The following GTF2I variants were observed in gnomAD, a reference collection of about 807,000 sequenced individuals.
The protein encoded by GTF2I is general transcription factor IIi, also known as general transcription factor II-I.
GTF2I carries 12 observed loss-of-function variants against 67.6 expected under a neutral mutation model. That is an observed-to-expected ratio of 0.18 (90% confidence interval 0.11 to 0.29). The LOEUF is 0.29. GTF2I is among the 10% of genes least tolerant of loss of function. The pLI, the probability that GTF2I is intolerant of heterozygous loss-of-function variation, is 1.00. For synonymous variants in GTF2I, 149 were observed against 197.0 expected (o/e 0.76, Z 2.04); for missense variants, 271 against 580.1 (o/e 0.47, Z 5.47).
At chr7:74,670,644 T>G (rs1805367556) in intron 1 of GTF2I, among the ~76,000 whole-genome samples, 2 of 146,154 alleles carry the variant, frequency 1.4e-5, no homozygotes, top group Admixed American at 1.4e-4. Context: ...GAGCTGAGAC[T>G]ACGCCACTGC....
At chr7:74,723,417 G>C (rs1197693194) in intron 12 of GTF2I, among the ~76,000 whole-genome samples, 3 of 84,658 alleles carry the variant, frequency 3.5e-5, no homozygotes, top group African/African-American at 5.4e-5. Context: ...ATAAGCCACC[G>C]CTCCCGGCCT....
At chr7:74,705,456 G>A (rs1484849768) in intron 7 of GTF2I, among the ~76,000 whole-genome samples, 1 of 151,648 alleles carries the variant, frequency 6.6e-6, no homozygotes, top group Admixed American at 6.6e-5. Flanking sequence ...GCCTTAGAGT[G>A]GTATTTGGAA....
intron 3 of GTF2I, among the ~76,000 whole-genome samples, chr7:74,697,010 TTAAAGAAAAA>T (rs147766160): frequency 0.01 from 1,585 of 152,250 alleles, 35 homozygotes; most frequent in African/African-American, 0.036. Context: ...AGTTAGAACA[TTAAAGAAAAA>T]TAAAGAAAAA....
intron 1 of GTF2I, among the ~76,000 whole-genome samples, chr7:74,663,279 A>G (rs1052355143): frequency 9.2e-5 from 14 of 152,106 alleles, no homozygotes; most frequent in African/African-American, 3.4e-4. Flanking sequence ...TGTCAGTCTA[A>G]GGGAAAGTAT....
intron 1 of GTF2I, among the ~76,000 whole-genome samples, chr7:74,663,056 C>G (rs1400089910): frequency 6.6e-6 from 1 of 152,162 alleles, no homozygotes; most frequent in Non-Finnish European, 1.5e-5. Context: ...TGAACAATTA[C>G]TAAACACTTA....
intron 8 of GTF2I, among the ~76,000 whole-genome samples, chr7:74,709,962 C>T (rs374465038): frequency 5.9e-5 from 9 of 152,278 alleles, no homozygotes; most frequent in East Asian, 1.9e-4. Flanking sequence ...CACGAGCCAC[C>T]GCACCTGGCT....
At chr7:74,677,552 G>A (rs1164857114) in intron 1 of GTF2I, among the ~76,000 whole-genome samples, 2 of 151,574 alleles carry the variant, frequency 1.3e-5, no homozygotes, top group Admixed American at 6.6e-5. Flanking sequence ...AGGCTGAGGC[G>A]GGCAGATCAC....
intron 1 of GTF2I, among the ~76,000 whole-genome samples, chr7:74,673,955 A>G (rs1805680437): frequency 6.6e-6 from 1 of 151,976 alleles, no homozygotes; most frequent in Admixed American, 6.6e-5. Context: ...CTGGGATTAC[A>G]AGCGTGAGCC....
chr7:74,696,687 G>T lies in GTF2I; in HGVS notation c.239-2274G>T, dbSNP rs190383847. ...TTTTGTATTTTTTAGTAGAGGTGGG[G>T]TTTCACCATGTTGGCCAGACTGATC... On this transcript the variant is annotated intron_variant, in intron 3 of 34. Coordinates refer to ENST00000573035, the MANE Select transcript of GTF2I (RefSeq NM_032999.4). Among the ~76,000 whole-genome samples the T allele has an allele frequency of 4.0e-5, 6 of 151,892 alleles. No individual in the cohort carries two copies. The East Asian group carries it at 1.2e-3, about 30-fold the overall frequency.
At chr7:74,688,140 G>A (rs782122828) in intron 1 of GTF2I, among the ~76,000 whole-genome samples, 18 of 152,202 alleles carry the variant, frequency 1.2e-4, no homozygotes, top group African/African-American at 3.6e-4. Context: ...GTGAGGTGGC[G>A]TGATCTCGGC....
chr7:74,717,163 C>T (rs1381410543), intron 11 of GTF2I: 1 of 473,350 alleles, frequency 2.1e-6, no homozygotes, highest in East Asian at 3.5e-5. Flanking sequence ...GGGAATGAAA[C>T]TAAGTGGTAA....
intron 8 of GTF2I, among the ~76,000 whole-genome samples, chr7:74,706,944 G>T (rs940753618): frequency 2.6e-5 from 4 of 152,170 alleles, no homozygotes; most frequent in Non-Finnish European, 5.9e-5. Flanking sequence ...TCTGCCTCTG[G>T]GTTCAAGCGA....
At chr7:74,707,064 G>A (rs1790819446) in intron 8 of GTF2I, among the ~76,000 whole-genome samples, 1 of 152,144 alleles carries the variant, frequency 6.6e-6, no homozygotes, top group East Asian at 1.9e-4. Flanking sequence ...TGGCCTGGCT[G>A]GTCTTGAACT....
chr7:74,712,524 GTGTGTGTGTGTGTC>G (rs1791713269), intron 9 of GTF2I, among the ~76,000 whole-genome samples: 2 of 146,130 alleles, frequency 1.4e-5, no homozygotes, highest in African/African-American at 5.1e-5. Context: ...GTGTGTGTGT[GTGTGTGTGTGTGTC>G]ATGTCATATT....
At chr7:74,698,534 C>T (rs1338495441) in intron 3 of GTF2I, among the ~76,000 whole-genome samples, 2 of 151,836 alleles carry the variant, frequency 1.3e-5, no homozygotes, top group Non-Finnish European at 2.9e-5. Context: ...CTCACTTCAG[C>T]CCCCAGACAG....
intron 3 of GTF2I, among the ~76,000 whole-genome samples, chr7:74,691,660 CG>C (rs1788320205): frequency 1.3e-5 from 2 of 152,098 alleles, no homozygotes; most frequent in Admixed American, 1.3e-4. Flanking sequence ...GTTTGTTGTA[CG>C]GTGTTCCTTG....
intron 1 of GTF2I, among the ~76,000 whole-genome samples, chr7:74,676,344 G>A (rs587663454): frequency 7.9e-5 from 12 of 152,232 alleles, no homozygotes; most frequent in African/African-American, 2.9e-4. Context: ...ATAGCCAGAC[G>A]TGGTGGCAGA....
At chr7:74,711,949 CTTTT>C (rs587731254) in intron 9 of GTF2I, among the ~76,000 whole-genome samples, 1 of 134,128 alleles carries the variant, frequency 7.5e-6, no homozygotes. Context: ...TCATTTCTCT[CTTTT>C]TTTTTTTTTT....
At chr7:74,664,017 C>T (rs762138625) in intron 1 of GTF2I, among the ~76,000 whole-genome samples, 4 of 151,748 alleles carry the variant, frequency 2.6e-5, no homozygotes, top group South Asian at 2.1e-4. Context: ...TTAGTAGAGA[C>T]GGGGTTTCAC....
Sources: allele counts gnomAD v4.1 joint callset (sites outside exome capture counted in the v4.1 genomes callset), GRCh38; gene constraint gnomAD v4.1.1; transcripts MANE v1.5; gene names NCBI Gene and HGNC (gene_info 2026-07-23, HGNC 2026-07-21).